Variants in TMEM108 observed in about 807,000 individuals in gnomAD.
TMEM108 encodes the protein transmembrane protein 108.
TMEM108 carries 12 observed loss-of-function variants against 35.1 expected under a neutral mutation model. The ratio of observed to expected loss-of-function variants is 0.34; its 90% CI spans 0.22 to 0.55. The LOEUF (loss-of-function observed/expected upper bound fraction) is 0.55, where lower values mean the gene tolerates loss of function less well. TMEM108 is among the 20% of genes least tolerant of loss of function. The pLI is 0.89. For missense variants in TMEM108, 680 were observed against 753.3 expected, an observed-to-expected ratio of 0.90 and a Z score of 1.14; for synonymous variants, 287 against 308.6, an observed-to-expected ratio of 0.93 and a Z score of 0.73.
intron 2 of TMEM108, among the ~76,000 whole-genome samples, chr3:133,111,632 T>A (rs564983597): frequency 5.3e-5 from 8 of 152,182 alleles, no homozygotes; most frequent in Non-Finnish European, 1.0e-4. Flanking sequence ...TTTATCATAC[T>A]ATATAATATG....
At chr3:133,137,208 C>G (rs1944576796) in intron 2 of TMEM108, among the ~76,000 whole-genome samples, 1 of 152,142 alleles carries the variant, frequency 6.6e-6, no homozygotes, top group African/African-American at 2.4e-5. Context: ...CTCATTTAAT[C>G]TATTGTGCAA....
At chr3:133,099,448 C>T (rs1944058507) in intron 2 of TMEM108, among the ~76,000 whole-genome samples, 1 of 152,186 alleles carries the variant, frequency 6.6e-6, no homozygotes, top group South Asian at 2.1e-4. Flanking sequence ...AGGCTCCTTG[C>T]TACTTATGCA....
intron 2 of TMEM108, among the ~76,000 whole-genome samples, chr3:133,120,208 C>G (rs1044199911): frequency 6.6e-6 from 1 of 152,142 alleles, no homozygotes; most frequent in Admixed American, 6.5e-5. Context: ...TTTGGGTTTT[C>G]GTTTGTCTTT....
chr3:133,208,273 T>C (rs1945787198), intron 2 of TMEM108, among the ~76,000 whole-genome samples: 2 of 152,114 alleles, frequency 1.3e-5, no homozygotes, highest in South Asian at 4.2e-4. Flanking sequence ...GGACCAAACT[T>C]TGAGAACCAC....
chr3:133,040,304 A>G (rs1943259887), intron 1 of TMEM108, among the ~76,000 whole-genome samples: 1 of 150,978 alleles, frequency 6.6e-6, no homozygotes, highest in Non-Finnish European at 1.5e-5. Flanking sequence ...CCTGGATTCA[A>G]ACGATTCTCC....
intron 2 of TMEM108, among the ~76,000 whole-genome samples, chr3:133,152,045 C>T (rs1239169228): frequency 6.6e-6 from 1 of 152,088 alleles, no homozygotes; most frequent in African/African-American, 2.4e-5. Context: ...CTGAGACTTC[C>T]GTTGACCAAA....
At chr3:133,295,881 A>G (rs1947138059) in intron 3 of TMEM108, among the ~76,000 whole-genome samples, 5 of 152,214 alleles carry the variant, frequency 3.3e-5, no homozygotes, top group Admixed American at 3.3e-4. Flanking sequence ...GGTGGGGTAC[A>G]CAGTTCACCA....
At chr3:133,282,942 AC>A (rs1420347409) in intron 3 of TMEM108, among the ~76,000 whole-genome samples, 1 of 152,216 alleles carries the variant, frequency 6.6e-6, no homozygotes, top group Non-Finnish European at 1.5e-5. Flanking sequence ...ATAAATGAAA[AC>A]CAATGCATGG....
intron 3 of TMEM108, among the ~76,000 whole-genome samples, chr3:133,267,041 A>T (rs562092709): frequency 2.3e-4 from 35 of 149,520 alleles, no homozygotes; most frequent in Non-Finnish European, 3.0e-4. Flanking sequence ...AGATCGCGCC[A>T]CTGCACTCCA....
chr3:133,178,814 C>A (rs985509430), intron 2 of TMEM108, among the ~76,000 whole-genome samples: 5 of 152,268 alleles, frequency 3.3e-5, no homozygotes, highest in East Asian at 1.9e-4. Flanking sequence ...CAGATGGGAT[C>A]TAATTAAACT....
At position 133,201,928 on chromosome 3, in the gene TMEM108, C is replaced by T. The variant is rs747654642; in HGVS notation, c.-46-27338C>T. 6.6e-5 allele frequency among the ~76,000 whole-genome samples: 10 copies of T among 152,070 alleles called. No individual in the cohort carries two copies. In the East Asian group the frequency reaches 7.7e-4, roughly 12 times the overall value. ...GACACTCCCACCAATGGTTTAAAAGCGTTCCTATTTTTCCACGTCCTCTCC... is the reference window on the plus strand; with the variant it reads ...GACACTCCCACCAATGGTTTAAAAGTGTTCCTATTTTTCCACGTCCTCTCC... On this transcript the variant is annotated intron_variant, in intron 2 of 5. Transcript: ENST00000321871.
intron 2 of TMEM108, among the ~76,000 whole-genome samples, chr3:133,129,616 A>G (rs1159238998): frequency 6.6e-6 from 1 of 152,074 alleles, no homozygotes; most frequent in African/African-American, 2.4e-5. Flanking sequence ...AGGGACTTTC[A>G]TTCTCCTTTA....
At chr3:133,252,146 A>T (rs1218491645) in intron 3 of TMEM108, among the ~76,000 whole-genome samples, 2 of 152,182 alleles carry the variant, frequency 1.3e-5, no homozygotes, top group African/African-American at 4.8e-5. Flanking sequence ...TGATAGACTC[A>T]TGGGGGTAAA....
At chr3:133,130,951 A>G (rs922199986) in intron 2 of TMEM108, among the ~76,000 whole-genome samples, 3 of 152,220 alleles carry the variant, frequency 2.0e-5, no homozygotes, top group African/African-American at 7.2e-5. Flanking sequence ...GTTAAAAAGA[A>G]ATTACTTATG....
chr3:133,131,446 A>G (rs1267770461), intron 2 of TMEM108, among the ~76,000 whole-genome samples: 4 of 150,152 alleles, frequency 2.7e-5, no homozygotes, highest in African/African-American at 9.8e-5. Context: ...TTGGTAATAC[A>G]ATATTTCAAA....
intron 2 of TMEM108, among the ~76,000 whole-genome samples, chr3:133,193,938 CTTTT>C (rs34225124): frequency 2.9e-5 from 4 of 139,634 alleles, no homozygotes; most frequent in African/African-American, 2.7e-5. Flanking sequence ...AACATTGATT[CTTTT>C]TTTTTTTTTT....
At chr3:133,176,835 T>C (rs996728062) in intron 2 of TMEM108, among the ~76,000 whole-genome samples, 7 of 151,514 alleles carry the variant, frequency 4.6e-5, no homozygotes, top group African/African-American at 1.5e-4. Context: ...CTGAAGGAAA[T>C]AGAGACACAA....
chr3:133,243,849 A>G lies in TMEM108; in HGVS notation c.40+14498A>G, dbSNP rs545778433. On this transcript the variant is annotated intron_variant, in intron 3 of 5. Transcript: ENST00000321871. ...TCATGTCTTTTTTAATGAGTGTCGT[A>G]GGTTGGGCGGTCCCTAGAAGCAGAC... is the stretch of plus-strand genomic sequence containing the variant. Among the ~76,000 whole-genome samples the G allele has an allele frequency of 5.3e-5, 8 of 152,260 alleles. No homozygotes were observed. The South Asian group carries it at 1.7e-3, about 32-fold the overall frequency.
At chr3:133,202,574 G>C (rs1034260320) in intron 2 of TMEM108, among the ~76,000 whole-genome samples, 1 of 152,072 alleles carries the variant, frequency 6.6e-6, no homozygotes, top group African/African-American at 2.4e-5. Context: ...GCTTGTTTTT[G>C]TCAGGTTTGT....
Sources: gnomAD v4.1 joint callset for allele counts (sites outside exome capture counted in the v4.1 genomes callset) on GRCh38, gnomAD v4.1.1 for gene constraint, MANE v1.5 for transcripts, NCBI Gene and HGNC (gene_info 2026-07-23, HGNC 2026-07-21) for gene names.